SUMF1: variants seen among roughly 807,000 people sequenced by gnomAD.
SUMF1 encodes the protein sulfatase modifying factor 1.
In SUMF1, 48 loss-of-function variants were observed where a neutral mutation model predicts 47.6. The observed-to-expected ratio is 1.01, with a 90% confidence interval of 0.80 to 1.28. SUMF1 has a LOEUF of 1.28. Ranked by LOEUF, SUMF1 falls within the 50% of genes most tolerant of loss-of-function variation. The pLI, the probability that SUMF1 is intolerant of heterozygous loss-of-function variation, is 0.00. For missense variants in SUMF1, 571 were observed against 485.4 expected (o/e 1.18, Z -1.66); for synonymous variants, 230 against 192.1 (o/e 1.20, Z -1.63).
intron 2 of SUMF1, among the ~76,000 whole-genome samples, chr3:4,452,056 A>C (rs1702991485): frequency 6.6e-6 from 1 of 152,130 alleles, no homozygotes; most frequent in Non-Finnish European, 1.5e-5. Flanking sequence ...ACCAAATCTG[A>C]AAGTTGTTTT....
intron 8 of SUMF1, among the ~76,000 whole-genome samples, chr3:4,217,524 A>AATATATATATATTATATATATATAT (rs1553610094): frequency 5.0e-5 from 3 of 59,672 alleles, no homozygotes; most frequent in African/African-American, 1.8e-4. Context: ...TTATATATAT[A>AATATATATATATTATATATATATAT]TATATATATA....
intron 8 of SUMF1, among the ~76,000 whole-genome samples, chr3:4,195,293 G>T (rs1418387056): frequency 6.6e-6 from 1 of 152,112 alleles, no homozygotes; most frequent in Non-Finnish European, 1.5e-5. Context: ...TCCCATATAA[G>T]TATCAGTAGC....
intron 3 of SUMF1, among the ~76,000 whole-genome samples, chr3:4,423,170 TGAA>T (rs1453236963): frequency 1.3e-5 from 2 of 152,092 alleles, no homozygotes; most frequent in African/African-American, 4.8e-5. Flanking sequence ...AGTCATTACA[TGAA>T]AAAGATACTT....
intron 1 of SUMF1, 139 bp downstream of exon 1, chr3:4,466,837 A>C (rs1307109363): frequency 7.6e-7 from 1 of 1,321,514 alleles, no homozygotes; most frequent in South Asian, 1.4e-5. Context: ...GGAACTCCTC[A>C]TACGGGAACA....
At chr3:4,042,532 A>G (rs77830268) in intron 9 of SUMF1, among the ~76,000 whole-genome samples, 3,603 of 152,238 alleles carry the variant, frequency 0.024, 151 homozygotes, top group African/African-American at 0.082. Flanking sequence ...TGCCTGTCCA[A>G]TCTCAGACTG....
intron 8 of SUMF1, among the ~76,000 whole-genome samples, chr3:4,127,995 C>T (rs1370694577): frequency 6.6e-6 from 1 of 151,966 alleles, no homozygotes; most frequent in African/African-American, 2.4e-5. Flanking sequence ...ATACATAATA[C>T]CTTTGACCAT....
At chr3:4,403,911 T>A (rs1701293711) in intron 7 of SUMF1, among the ~76,000 whole-genome samples, 1 of 152,202 alleles carries the variant, frequency 6.6e-6, no homozygotes, top group African/African-American at 2.4e-5. Context: ...TACATTTTGG[T>A]GTTCTGCTCT....
At chr3:4,104,590 C>G (rs1037365315) in intron 8 of SUMF1, among the ~76,000 whole-genome samples, 4 of 151,812 alleles carry the variant, frequency 2.6e-5, no homozygotes, top group African/African-American at 9.7e-5. Flanking sequence ...CTCCGGATAC[C>G]CACCCTGCTG....
intron 8 of SUMF1, among the ~76,000 whole-genome samples, chr3:4,225,573 A>T (rs1696155706): frequency 6.6e-6 from 1 of 152,132 alleles, no homozygotes; most frequent in Non-Finnish European, 1.5e-5. Flanking sequence ...GCTAACACAC[A>T]TGCAGACAAA....
At chr3:4,110,763 T>A (rs1333531175) in intron 8 of SUMF1, among the ~76,000 whole-genome samples, 1 of 146,654 alleles carries the variant, frequency 6.8e-6, no homozygotes, top group Non-Finnish European at 1.5e-5. Context: ...AAACACCGCA[T>A]GTTCTCACTC....
At chr3:4,179,047 C>T (rs1358723156) in intron 8 of SUMF1, among the ~76,000 whole-genome samples, 6 of 152,270 alleles carry the variant, frequency 3.9e-5, no homozygotes, top group African/African-American at 1.2e-4. Context: ...AAAGAGGACA[C>T]AAACAAATGG....
At chr3:4,297,167 G>C (rs775976425) in intron 8 of SUMF1, among the ~76,000 whole-genome samples, 1 of 152,132 alleles carries the variant, frequency 6.6e-6, no homozygotes, top group African/African-American at 2.4e-5. Context: ...CTTGGGCCGA[G>C]GCTTTTTAGG....
At chr3:4,127,250 T>A (rs1469976610) in intron 8 of SUMF1, among the ~76,000 whole-genome samples, 1 of 152,144 alleles carries the variant, frequency 6.6e-6, no homozygotes, top group Admixed American at 6.5e-5. Flanking sequence ...CTGAAAGTGG[T>A]TGGTTACAAA....
At chr3:4,129,121 G>A (rs1413645954) in intron 8 of SUMF1, among the ~76,000 whole-genome samples, 3 of 152,118 alleles carry the variant, frequency 2.0e-5, no homozygotes, top group Admixed American at 2.0e-4. Context: ...AGATTCGTGA[G>A]GGCAGCACTT....
At chr3:4,038,588 G>C (rs1428901571) in intron 9 of SUMF1, among the ~76,000 whole-genome samples, 1 of 152,178 alleles carries the variant, frequency 6.6e-6, no homozygotes, top group Non-Finnish European at 1.5e-5. Context: ...TGAGCTTGGG[G>C]CTCCACTTGC....
chr3:4,357,517 G>C (rs938487651), downstream of SUMF1, among the ~76,000 whole-genome samples: 11 of 151,740 alleles, frequency 7.2e-5, no homozygotes, highest in Admixed American at 3.3e-4. Flanking sequence ...CTGAAAAATA[G>C]AATTTACCCA....
Position 4,229,453 on chromosome 3 carries a change from G to C in SUMF1, c.1014+146877C>G. 3 of 239,574 alleles carry C rather than the reference G, an allele frequency of 1.3e-5. No homozygotes were observed. In the South Asian group the frequency reaches 1.4e-4, roughly 11 times the overall value. The allele number at this position is 239,574 out of a possible 1,614,324, so 14.8% of individuals were successfully genotyped here. On this transcript the variant is annotated intron_variant and NMD_transcript_variant, in intron 8 of 12. Transcript: ENST00000448413. ...TTTCAGCACCATTCCTTACTAACCA[G>C]GTAATTTGAGAAAAACTATTGCACC...
At chr3:4,384,507 A>G (rs1700607575) in intron 7 of SUMF1, among the ~76,000 whole-genome samples, 2 of 152,318 alleles carry the variant, frequency 1.3e-5, no homozygotes, top group Non-Finnish European at 2.9e-5. Flanking sequence ...ACCCCTGGAA[A>G]ACACTAACCC....
chr3:4,392,472 G>A (rs1397362461), intron 7 of SUMF1, among the ~76,000 whole-genome samples: 2 of 151,476 alleles, frequency 1.3e-5, no homozygotes, highest in African/African-American at 4.8e-5. Context: ...TTTCTTGTTA[G>A]TCTGCATGTT....
Sources: gnomAD v4.1 joint callset for allele counts (sites outside exome capture counted in the v4.1 genomes callset) on GRCh38, gnomAD v4.1.1 for gene constraint, MANE v1.5 for transcripts, NCBI Gene and HGNC (gene_info 2026-07-23, HGNC 2026-07-21) for gene names.